Variants in NREP observed in about 807,000 individuals in gnomAD.
The protein encoded by NREP is neuronal regeneration related protein.
NREP carries 5 observed loss-of-function variants against 8.6 expected under a neutral mutation model. That is an observed-to-expected ratio of 0.58 (90% confidence interval 0.30 to 1.22). The LOEUF is 1.22. NREP is among the 50% of genes most tolerant of loss of function. NREP has a pLI of 0.07. For missense variants in NREP, 86 were observed against 82.5 expected (o/e 1.04, Z -0.17); for synonymous variants, 27 against 28.0 (o/e 0.96, Z 0.11).
At chr5:111,974,998 G>A (rs752031420) in intron 2 of NREP, among the ~76,000 whole-genome samples, 1 of 152,200 alleles carries the variant, frequency 6.6e-6, no homozygotes, top group Non-Finnish European at 1.5e-5. Flanking sequence ...TTGGCCAGAG[G>A]TGTACAATGG....
At chr5:111,855,824 T>C (rs893755610) in intron 2 of NREP, among the ~76,000 whole-genome samples, 49 of 152,188 alleles carry the variant, frequency 3.2e-4, no homozygotes, top group African/African-American at 1.2e-3. Flanking sequence ...AATAATACTT[T>C]CATGCAGGCG....
chr5:111,769,463 G>A (rs55980975), intron 2 of NREP, among the ~76,000 whole-genome samples: 7,762 of 152,278 alleles, frequency 0.051, 639 homozygotes, highest in African/African-American at 0.18. Flanking sequence ...TGAGGAAAGC[G>A]GTATTTAGGC....
At chr5:111,808,066 G>A (rs1040344924) in intron 2 of NREP, among the ~76,000 whole-genome samples, 11 of 152,102 alleles carry the variant, frequency 7.2e-5, no homozygotes, top group Admixed American at 1.3e-4. Context: ...AGTCTTTTGC[G>A]TCTGGTCACA....
At chr5:111,750,943 T>C (rs1750322367) in intron 2 of NREP, among the ~76,000 whole-genome samples, 1 of 152,208 alleles carries the variant, frequency 6.6e-6, no homozygotes, top group Non-Finnish European at 1.5e-5. Flanking sequence ...ATCCCTTTAA[T>C]AATGGAAAAT....
intron 2 of NREP, among the ~76,000 whole-genome samples, chr5:111,872,424 G>A (rs1219696359): frequency 1.3e-5 from 2 of 152,106 alleles, no homozygotes; most frequent in Non-Finnish European, 2.9e-5. Context: ...ACACCCTCAT[G>A]GAAACACCTA....
chr5:111,887,629 T>G (rs1367815700), intron 2 of NREP, among the ~76,000 whole-genome samples: 1 of 152,192 alleles, frequency 6.6e-6, no homozygotes, highest in Non-Finnish European at 1.5e-5. Context: ...TTAAGTACCT[T>G]AAAATATAGC....
intron 2 of NREP, among the ~76,000 whole-genome samples, chr5:111,962,187 T>A (rs983124533): frequency 6.6e-6 from 1 of 152,198 alleles, no homozygotes; most frequent in African/African-American, 2.4e-5. Flanking sequence ...ACATTTTGTT[T>A]TTAATCACCT....
At chr5:111,840,873 T>C (rs2112948395) in intron 2 of NREP, among the ~76,000 whole-genome samples, 1 of 152,182 alleles carries the variant, frequency 6.6e-6, no homozygotes, top group Admixed American at 6.6e-5. Context: ...GTTCAGAAGA[T>C]ATTTGCGCAA....
At chr5:111,762,439 T>C (rs376470803), upstream of NREP, among the ~76,000 whole-genome samples, 170 of 152,174 alleles carry the variant, frequency 1.1e-3, 1 homozygote, top group African/African-American at 3.7e-3. Flanking sequence ...TGGGCTGAAT[T>C]GTGTCCCCTC....
chr5:111,756,309 AAAAC>A (rs1250037251), intron 1 of NREP: 163 of 680,618 alleles, frequency 2.4e-4, no homozygotes, highest in Admixed American at 2.9e-4. Context: ...AAAAAAAAAA[AAAAC>A]CCTACACGGC....
At position 111,744,590 on chromosome 5, in the gene NREP, G is replaced by C. The variant is rs894689378; in HGVS notation, c.4-9083C>G. Among the ~76,000 whole-genome samples, 3 of 152,102 alleles carry C rather than the reference G, an allele frequency of 2.0e-5. No individual in the cohort carries two copies. In the East Asian group the frequency reaches 5.8e-4, roughly 29 times the overall value. On this transcript the variant is annotated intron_variant, in intron 2 of 3. Coordinates refer to ENST00000257435, the MANE Select transcript of NREP (RefSeq NM_004772.4). The stretch of plus-strand genomic sequence containing the variant: ...TGGATATGCCCCTGCACACCACCTG[G>C]GTTTTCAACCCCTCTGGGTGGAGCC...
chr5:111,824,285 C>T (rs1752573016), intron 2 of NREP, among the ~76,000 whole-genome samples: 1 of 152,194 alleles, frequency 6.6e-6, no homozygotes, highest in Admixed American at 6.5e-5. Context: ...AGGAGAACGG[C>T]ATGAACCAGG....
intron 2 of NREP, among the ~76,000 whole-genome samples, chr5:111,946,233 A>C (rs1171620849): frequency 8.4e-6 from 1 of 119,688 alleles, no homozygotes; most frequent in Non-Finnish European, 1.9e-5. Flanking sequence ...GTTTCTTTCT[A>C]AAAAAAAAAA....
intron 2 of NREP, among the ~76,000 whole-genome samples, chr5:111,865,373 C>T (rs1307272691): frequency 6.6e-6 from 1 of 152,148 alleles, no homozygotes; most frequent in Admixed American, 6.5e-5. Context: ...TTGTTGTAAT[C>T]TCCACTCGTG....
intron 2 of NREP, among the ~76,000 whole-genome samples, chr5:111,753,568 A>T (rs529539940): frequency 1.3e-5 from 2 of 152,064 alleles, no homozygotes; most frequent in South Asian, 2.1e-4. Flanking sequence ...GCTGATTATA[A>T]ATTTGTATTT....
chr5:111,973,926 TG>T (rs1756891029), intron 2 of NREP, among the ~76,000 whole-genome samples: 1 of 152,244 alleles, frequency 6.6e-6, no homozygotes, highest in Non-Finnish European at 1.5e-5. Flanking sequence ...TAAAGCATTT[TG>T]TTTTGGAAAT....
intron 2 of NREP, among the ~76,000 whole-genome samples, chr5:111,735,892 T>C (rs1488487041): frequency 6.6e-6 from 1 of 152,182 alleles, no homozygotes; most frequent in South Asian, 2.1e-4. Flanking sequence ...GTTATTCTGA[T>C]CATTTATTAG....
chr5:111,882,704 G>C (rs1444248987), intron 2 of NREP, among the ~76,000 whole-genome samples: 1 of 152,098 alleles, frequency 6.6e-6, no homozygotes, highest in Non-Finnish European at 1.5e-5. Flanking sequence ...TTTCCACCCA[G>C]AATTTCATAT....
chr5:111,734,752 C>G (rs1415798887), intron 3 of NREP: 2 of 699,558 alleles, frequency 2.9e-6, no homozygotes, highest in South Asian at 3.0e-5. Flanking sequence ...ACTGCAAAAT[C>G]AGCAAGTCAT....
Sources: allele counts gnomAD v4.1 joint callset (sites outside exome capture counted in the v4.1 genomes callset), GRCh38; gene constraint gnomAD v4.1.1; transcripts MANE v1.5; gene names NCBI Gene and HGNC (gene_info 2026-07-23, HGNC 2026-07-21).